GRIN1: variants seen among roughly 807,000 people sequenced by gnomAD.
The protein encoded by GRIN1 is glutamate ionotropic receptor NMDA type subunit 1.
GRIN1 carries 38 observed loss-of-function variants against 103.0 expected under a neutral mutation model. That is an observed-to-expected ratio of 0.37 (90% CI 0.28 to 0.48). The LOEUF (loss-of-function observed/expected upper bound fraction) is 0.48, where lower values mean the gene tolerates loss of function less well. Ranked by LOEUF, GRIN1 falls within the 20% of genes least tolerant of loss-of-function variation. GRIN1 has a pLI of 0.98. For synonymous variants in GRIN1, 544 were observed against 532.7 expected, an observed-to-expected ratio of 1.02 and a Z score of -0.29; for missense variants, 577 against 1,288.9, an observed-to-expected ratio of 0.45 and a Z score of 8.46.
intron 16 of GRIN1, 59 bp downstream of exon 16, chr9:137,163,389 T>G: frequency 6.3e-7 from 1 of 1,583,850 alleles, no homozygotes; most frequent in Non-Finnish European, 8.7e-7. Context: ...GTGGACGCCC[T>G]CCCCAGTGCC....
chr9:137,165,457 C>A (rs1833819981), intron 19 of GRIN1, 161 bp downstream of exon 19: 1 of 674,890 alleles, frequency 1.5e-6, no homozygotes, highest in Non-Finnish European at 2.7e-6. Flanking sequence ...ATGCTGCTCT[C>A]TCTCACTCTC....
In GRIN1 at chr9:137,163,350, C is replaced by CGTCCCTCCTCCGCCCCTCTCCGCCAGAG. The variant is rs1323212005; in HGVS notation, c.2333+23_2333+50dup. 5 of 1,612,572 alleles carry CGTCCCTCCTCCGCCCCTCTCCGCCAGAG rather than the reference C, an allele frequency of 3.1e-6. No individual in the cohort carries two copies. Among genetic ancestry groups the CGTCCCTCCTCCGCCCCTCTCCGCCAGAG allele is most frequent in the Non-Finnish European group, 4.2e-6 (5 of 1,179,490 alleles). On this transcript the variant is annotated intron_variant, in intron 16 of 19. Coordinates refer to ENST00000371561, the MANE Select transcript of GRIN1 (RefSeq NM_007327.4). ...CCTCAAGTGAGTGTCCGTGCGCCCG[C>CGTCCCTCCTCCGCCCCTCTCCGCCAGAG]GTCCCTCCTCCGCCCCTCTCCGCCA...
At position 137,146,434 on chromosome 9, in the gene GRIN1, C is replaced by T. The variant is rs1386283191; in HGVS notation, c.570+532C>T. ...AAGCCCTGTCCACAGACACCTGCCCCCCAGCCTGGACCGCCCCTGTGGGCT... is the reference window on the plus strand; with the variant it reads ...AAGCCCTGTCCACAGACACCTGCCCTCCAGCCTGGACCGCCCCTGTGGGCT... On this transcript the variant is annotated intron_variant, in intron 3 of 19. Coordinates refer to ENST00000371561, the MANE Select transcript of GRIN1 (RefSeq NM_007327.4). This position sits in a 1 kb window ranked among gnomAD's most constrained non-coding sequence, Gnocchi z 6.7. 2.0e-5 allele frequency among the ~76,000 whole-genome samples: 3 copies of T among 152,146 alleles called. No individual in the cohort carries two copies. Among genetic ancestry groups the T allele is most frequent in the Non-Finnish European group, 4.4e-5 (3 of 68,006 alleles).
At position 137,139,453 on chromosome 9, in the gene GRIN1, G is replaced by A; in HGVS notation, c.-34G>A. ...GGGATGCGCCGAGGGCCCCGCGTTC[G>A]CGCCGCGCAGAGCCAGGCCCGCGGC... On this transcript the variant is annotated 5_prime_UTR_variant, in exon 1 of 20. Transcript: ENST00000371561. This position sits in a 1 kb window ranked among gnomAD's most constrained non-coding sequence, Gnocchi z 7.7. 1 of 1,460,680 alleles carries A rather than the reference G, an allele frequency of 6.8e-7. No individual in the cohort carries two copies. Among genetic ancestry groups the A allele is most frequent in the African/African-American group, 1.4e-5 (1 of 69,564 alleles). The allele number at this position is 1,460,680 out of a possible 1,614,324, so 90.5% of individuals were successfully genotyped here.
intron 4 of GRIN1, among the ~76,000 whole-genome samples, chr9:137,152,220 C>T (rs1228616572): frequency 6.6e-6 from 1 of 152,120 alleles, no homozygotes; most frequent in African/African-American, 2.4e-5. Flanking sequence ...GTGGCCTCTT[C>T]TGTTATTTTC....
In GRIN1 at chr9:137,158,055, C is replaced by T. The variant is rs573205455; in HGVS notation, c.969-324C>T. Among the ~76,000 whole-genome samples, 13 of 152,334 alleles carry T rather than the reference C, an allele frequency of 8.5e-5. No homozygotes were observed. The East Asian group carries it at 1.2e-3, about 14-fold the overall frequency. ...AGGCATCCTTCTGAGCTTCTGCCTC[C>T]GTCTCTGTAAGGCAGGATGGTTCTG... On this transcript the variant is annotated intron_variant, in intron 6 of 19. Coordinates refer to ENST00000371561, the MANE Select transcript of GRIN1 (RefSeq NM_007327.4).
At chr9:137,159,239 C>T (rs1833396906) in intron 8 of GRIN1, among the ~76,000 whole-genome samples, 1 of 152,190 alleles carries the variant, frequency 6.6e-6, no homozygotes, top group South Asian at 2.1e-4. Context: ...GGGTGCTCTC[C>T]TGGCCATTCC....
intron 4 of GRIN1, 28 bp from the exon 5 acceptor site, chr9:137,156,641 T>G: frequency 6.3e-7 from 1 of 1,595,420 alleles, no homozygotes; most frequent in Non-Finnish European, 8.5e-7. Context: ...GCTGGAGTCC[T>G]GGCCCGTCAT....
intron 4 of GRIN1, among the ~76,000 whole-genome samples, chr9:137,155,129 T>G (rs1833143605): frequency 6.6e-6 from 1 of 152,324 alleles, no homozygotes; most frequent in Non-Finnish European, 1.5e-5. Flanking sequence ...AACGATCGGA[T>G]GAGTTTTGAT....
rs139637382 is a variant in GRIN1 at position 137,161,969 on chromosome 9, C to T, written c.1513C>T (p.Leu505=). 5.0e-4 allele frequency: 785 copies of T among 1,565,884 alleles called. 3 individuals carry two copies. The Middle Eastern group carries it at 9.7e-3, about 19-fold the overall frequency. The change falls in exon 11 of 20, where the codon CTG becomes TTG. Residue 505 remains leucine, a synonymous_variant. Coordinates refer to ENST00000371561, the MANE Select transcript of GRIN1 (RefSeq NM_007327.4). The part of the protein sequence containing the change: ...KKEWNGMMGE[L]LSGQADMIVA... Reference sequence around the variant, plus strand: ...GGAGTGGAATGGGATGATGGGCGAGCTGCTCAGCGGGCAGGCAGACATGAT... The same window carrying T: ...GGAGTGGAATGGGATGATGGGCGAGTTGCTCAGCGGGCAGGCAGACATGAT...
At chr9:137,161,023 G>A (rs1172433154) in intron 8 of GRIN1, 33 bp from the exon 9 acceptor site, 1 of 1,611,922 alleles carries the variant, frequency 6.2e-7, no homozygotes, top group South Asian at 1.1e-5. Context: ...CCTTAGGTCG[G>A]TGGTCCAGGC....
In GRIN1 at chr9:137,157,394, C is replaced by T. The variant is rs559695455; in HGVS notation, c.968+357C>T. Among the ~76,000 whole-genome samples, 10 of 152,348 alleles carry T rather than the reference C, an allele frequency of 6.6e-5. No homozygotes were observed. In the South Asian group the frequency reaches 2.1e-3, roughly 32 times the overall value. On this transcript the variant is annotated intron_variant, in intron 6 of 19. Coordinates refer to ENST00000371561, the MANE Select transcript of GRIN1 (RefSeq NM_007327.4). ...ATCTAATGGCACAATCATCTGCCCT[C>T]TTCTCAACACTGACACCAGTACCTG... is the stretch of plus-strand genomic sequence containing the variant.
chr9:137,141,883 T>TG, intron 1 of GRIN1, 130 bp from the exon 2 acceptor site: 1 of 961,140 alleles, frequency 1.0e-6, no homozygotes. Flanking sequence ...GCATGTAGCA[T>TG]GTACCCGAAT....
At chr9:137,157,830 G>C (rs1276070789) in intron 6 of GRIN1, among the ~76,000 whole-genome samples, 2 of 152,212 alleles carry the variant, frequency 1.3e-5, no homozygotes, top group Non-Finnish European at 2.9e-5. Context: ...ACAGAACCAT[G>C]TGTGCACACA....
At chr9:137,142,485 T>C (rs1832232119) in intron 2 of GRIN1, among the ~76,000 whole-genome samples, 2 of 151,682 alleles carry the variant, frequency 1.3e-5, no homozygotes, top group African/African-American at 4.8e-5. Context: ...CATCACACAC[T>C]CACACATTCA....
chr9:137,161,584 TG>T (rs1396794005), intron 10 of GRIN1, among the ~76,000 whole-genome samples, 168 bp downstream of exon 10: 1 of 20,978 alleles, frequency 4.8e-5, no homozygotes, highest in Non-Finnish European at 8.5e-5. Context: ...GGGTAAAGCA[TG>T]GGGTGGGCGG....
chr9:137,144,313 T>G (rs1041823454), intron 2 of GRIN1, among the ~76,000 whole-genome samples: 77 of 147,060 alleles, frequency 5.2e-4, no homozygotes, highest in Non-Finnish European at 8.4e-4. Flanking sequence ...GTCCCCAGGA[T>G]GGTGGGGACA....
chr9:137,165,162 A>C (rs865932683), intron 18 of GRIN1, 24 bp from the exon 19 acceptor site: 1 of 1,509,256 alleles, frequency 6.6e-7, no homozygotes, highest in Middle Eastern at 1.8e-4. Flanking sequence ...TAGCCATCTA[A>C]TCACTTATAC....
chr9:137,154,135 G>C (rs868172071), intron 4 of GRIN1, among the ~76,000 whole-genome samples: 1 of 102,960 alleles, frequency 9.7e-6, no homozygotes, highest in Non-Finnish European at 2.0e-5. Context: ...TTTTTTTTGT[G>C]TGTGTGTGTG....
Sources: gnomAD v4.1 joint callset for allele counts (sites outside exome capture counted in the v4.1 genomes callset) on GRCh38, gnomAD v4.1.1 for gene constraint, Gnocchi (gnomAD v3.1) non-coding constraint, MANE v1.5 for transcripts, NCBI Gene and HGNC (gene_info 2026-07-23, HGNC 2026-07-21) for gene names.